Variants in METAP1D observed in about 807,000 individuals in gnomAD.
METAP1D encodes the protein methionyl aminopeptidase type 1D, mitochondrial.
METAP1D carries 31 observed loss-of-function variants against 40.5 expected under a neutral mutation model. That is an observed-to-expected ratio of 0.77 (90% CI 0.58 to 1.03). METAP1D has a LOEUF of 1.03. Among genes scored for constraint, METAP1D ranks in the 50% least tolerant of loss-of-function variants. The pLI is 0.00. For missense variants in METAP1D, 411 were observed against 420.7 expected (o/e 0.98, Z 0.20); for synonymous variants, 151 against 146.4 (o/e 1.03, Z -0.22).
chr2:172,014,730 G>T, intron 1 of METAP1D, among the ~76,000 whole-genome samples: 1 of 152,058 alleles, frequency 6.6e-6, no homozygotes, highest in South Asian at 2.1e-4. Context: ...TCGGCTCACT[G>T]CAACCTCCAT....
intron 2 of METAP1D, 94 bp from the exon 3 acceptor site, chr2:172,063,617 C>A: frequency 1.0e-6 from 1 of 966,802 alleles, no homozygotes; most frequent in Non-Finnish European, 1.6e-6. Context: ...GCAGGAAGGG[C>A]AGAGCTCCAT....
intron 1 of METAP1D, among the ~76,000 whole-genome samples, chr2:172,024,304 C>G (rs1574099538): frequency 6.6e-6 from 1 of 152,086 alleles, no homozygotes; most frequent in East Asian, 1.9e-4. Flanking sequence ...AATTCAAAAT[C>G]AGACCACTTG....
chr2:172,050,634 G>T (rs1363953811), intron 1 of METAP1D, among the ~76,000 whole-genome samples: 1 of 152,130 alleles, frequency 6.6e-6, no homozygotes, highest in African/African-American at 2.4e-5. Flanking sequence ...GTTGAAATTT[G>T]CCAGATGTTC....
In METAP1D at chr2:172,061,624, C is replaced by T; in HGVS notation, c.167C>T (p.Ala56Val). Residue 56 changes from alanine (A) to valine (V), a missense_variant, in exon 2 of 10, where the codon GCT (alanine) becomes GTT (valine). By Grantham distance (64) the Ala-to-Val change is moderately conservative. Transcript: ENST00000315796. ...ATTTCACACAGTATAGTTTTGCCGG[C>T]TGCAGTTTCTTCAGCTCATCCGGTT... is the stretch of plus-strand genomic sequence containing the variant. ...RDISHSIVLP[A>V]AVSSAHPVPK... 6.2e-7 allele frequency: 1 copy of T among 1,612,692 alleles called. No homozygotes were observed. Among genetic ancestry groups the T allele is most frequent in the Non-Finnish European group, 8.5e-7 (1 of 1,179,450 alleles).
At chr2:172,010,736 C>G (rs925180046) in intron 1 of METAP1D, among the ~76,000 whole-genome samples, 1 of 147,602 alleles carries the variant, frequency 6.8e-6, no homozygotes, top group African/African-American at 2.5e-5. Flanking sequence ...TCAAGTGATT[C>G]ACCTGCCCAA....
At chr2:172,075,076 T>G (rs1690510390) in intron 6 of METAP1D, among the ~76,000 whole-genome samples, 2 of 152,186 alleles carry the variant, frequency 1.3e-5, no homozygotes, top group Admixed American at 6.5e-5. Flanking sequence ...AAGATGAAAT[T>G]CCTTAAAAGA....
chr2:172,003,103 G>T (rs1688501121), intron 1 of METAP1D, among the ~76,000 whole-genome samples: 3 of 152,152 alleles, frequency 2.0e-5, no homozygotes, highest in African/African-American at 7.2e-5. Context: ...TTGAGAGGCT[G>T]TTAAGATTTG....
At chr2:172,072,785 A>G (rs1690454617) in intron 6 of METAP1D, among the ~76,000 whole-genome samples, 1 of 152,142 alleles carries the variant, frequency 6.6e-6, no homozygotes, top group African/African-American at 2.4e-5. Context: ...AATTATCACA[A>G]TTACTCATAT....
intron 8 of METAP1D, among the ~76,000 whole-genome samples, chr2:172,079,797 G>A (rs1407769425): frequency 2.0e-5 from 3 of 152,298 alleles, no homozygotes; most frequent in Non-Finnish European, 2.9e-5. Context: ...TTAAAAATTG[G>A]TATTTATAAG....
rs200395724 is a variant in METAP1D, at chr2:172,079,282, C to T, written c.850+20C>T. On this transcript the variant is annotated intron_variant, in intron 8 of 9. Coordinates refer to ENST00000315796, the MANE Select transcript of METAP1D (RefSeq NM_199227.3). ...CTATAGGTAAATTGAGCTCCTCTTC[C>T]GAGTGAGTGCGTAGCTCCTGGTGGA... 1.9e-5 allele frequency: 31 copies of T among 1,613,364 alleles called. No individual in the cohort carries two copies. The East Asian group carries it at 2.9e-4, about 15-fold the overall frequency.
chr2:172,055,073 G>A (rs1689971866), intron 1 of METAP1D, among the ~76,000 whole-genome samples: 1 of 152,172 alleles, frequency 6.6e-6, no homozygotes, highest in Non-Finnish European at 1.5e-5. Flanking sequence ...GAGGTTTCTG[G>A]TGATTTCCCA....
chr2:172,066,227 C>G (rs988170999), intron 4 of METAP1D, 37 bp from the exon 5 acceptor site: 12 of 1,556,648 alleles, frequency 7.7e-6, no homozygotes, highest in Non-Finnish European at 1.1e-5. Flanking sequence ...TTATTGAGAT[C>G]TGTCTATCAC....
chr2:172,068,138 C>T (rs1239215459), intron 5 of METAP1D, among the ~76,000 whole-genome samples: 7 of 152,204 alleles, frequency 4.6e-5, no homozygotes, highest in Admixed American at 4.6e-4. Flanking sequence ...AATCCCAGCA[C>T]TTTGGGAGGC....
At position 172,079,232 on chromosome 2, in the gene METAP1D, C is replaced by T; in HGVS notation, c.820C>T (p.Pro274Ser). 2 of 1,614,084 alleles carry T rather than the reference C, an allele frequency of 1.2e-6. No homozygotes were observed. The highest frequency in any genetic ancestry group is 1.7e-6 in the Non-Finnish European group (2 of 1,180,022). The change falls in exon 8 of 10, where the codon CCC (proline) becomes TCC (serine). Residue 274 changes from proline (P) to serine (S), a missense_variant. Coordinates refer to ENST00000315796, the MANE Select transcript of METAP1D (RefSeq NM_199227.3). Reference protein sequence around the residue: ...IWHHANDSDLPMEEGMAFTIE... With the variant: ...IWHHANDSDLSMEEGMAFTIE... The stretch of plus-strand genomic sequence containing the variant: ...TTTTGCAGCAAACGACAGTGATCTA[C>T]CCATGGAGGAGGGCATGGCATTCAC...
chr2:172,025,710 A>G (rs1024774531), intron 1 of METAP1D, among the ~76,000 whole-genome samples: 4 of 151,944 alleles, frequency 2.6e-5, no homozygotes, highest in Non-Finnish European at 5.9e-5. Context: ...CCCAACATCC[A>G]TCAGATTTTT....
rs1203477268 is a variant in METAP1D at position 171,999,964 on chromosome 2, G to T, written c.-6G>T. The T allele has an allele frequency of 5.1e-6, 7 of 1,369,568 alleles. No homozygotes were observed. In the African/African-American group the frequency reaches 6.1e-5, roughly 12 times the overall value. The allele number at this position is 1,369,568 out of a possible 1,614,324, so 84.8% of individuals were successfully genotyped here. A position where few individuals can be genotyped will look rare whatever the true frequency, so the allele number is the denominator to read the frequency against. ...GAGTGCTCGCGGCCACGTGACCGAC[G>T]CCAACATGGCGGCGCCCAGTGGCGT... On this transcript the variant is annotated 5_prime_UTR_variant, in exon 1 of 10. Transcript: ENST00000315796.
intron 6 of METAP1D, among the ~76,000 whole-genome samples, chr2:172,075,087 G>A (rs138376739): frequency 2.6e-5 from 4 of 152,222 alleles, no homozygotes; most frequent in Admixed American, 1.3e-4. Context: ...CCTTAAAAGA[G>A]GTATCTTTTT....
At chr2:172,077,129 A>G (rs1690564973) in intron 6 of METAP1D, among the ~76,000 whole-genome samples, 1 of 152,260 alleles carries the variant, frequency 6.6e-6, no homozygotes, top group African/African-American at 2.4e-5. Flanking sequence ...ATACTAGCTT[A>G]TCTTAAGCAT....
intron 1 of METAP1D, among the ~76,000 whole-genome samples, chr2:172,005,631 G>A (rs968035519): frequency 2.0e-4 from 29 of 146,700 alleles, no homozygotes; most frequent in South Asian, 4.4e-4. Flanking sequence ...TCCGCCTCCC[G>A]GGTTCAAGCA....
Sources: gnomAD v4.1 joint callset for allele counts (sites outside exome capture counted in the v4.1 genomes callset) on GRCh38, gnomAD v4.1.1 for gene constraint, MANE v1.5 for transcripts, NCBI Gene and HGNC (gene_info 2026-07-23, HGNC 2026-07-21) for gene names.